Variants in DOCK5 observed in about 807,000 individuals in gnomAD.
The protein encoded by DOCK5 is dedicator of cytokinesis 5.
A neutral mutation model predicts 251.8 loss-of-function variants in DOCK5; 142 were observed. That is an observed-to-expected ratio of 0.56 (90% CI 0.49 to 0.65). The LOEUF (loss-of-function observed/expected upper bound fraction) is 0.65, where lower values mean the gene tolerates loss of function less well. DOCK5 is among the 30% of genes least tolerant of loss of function. The probability of loss-of-function intolerance (pLI) is 0.00; values close to 1 mark genes in which losing one functional copy is unlikely to be tolerated. For missense variants in DOCK5, 2,111 were observed against 2,312.3 expected (o/e 0.91, Z 1.79); for synonymous variants, 842 against 835.5 (o/e 1.01, Z -0.13).
chr8:25,391,795 A>G, intron 42 of DOCK5, 101 bp from the exon 43 acceptor site: 1 of 999,568 alleles, frequency 1.0e-6, no homozygotes. Context: ...TTAGTGGGTA[A>G]AACTCAGACC....
chr8:25,356,924 TA>T (rs1800585484), intron 27 of DOCK5, among the ~76,000 whole-genome samples: 1 of 68,414 alleles, frequency 1.5e-5, no homozygotes, highest in African/African-American at 4.8e-5. Context: ...TATATATATA[TA>T]TATATATATA....
At chr8:25,410,035 A>G (rs1404758710) in intron 50 of DOCK5, 64 bp from the exon 51 acceptor site, 2 of 1,398,166 alleles carry the variant, frequency 1.4e-6, no homozygotes, top group Non-Finnish European at 2.0e-6. Flanking sequence ...AGTGCCAGCA[A>G]CATTTCCATG....
chr8:25,351,137 A>G (rs1225203754), intron 26 of DOCK5, among the ~76,000 whole-genome samples: 2 of 151,926 alleles, frequency 1.3e-5, no homozygotes, highest in Non-Finnish European at 2.9e-5. Context: ...AGCTCACTGC[A>G]AGCTCCACCT....
At chr8:25,235,231 T>TTTTG (rs962733201) in intron 1 of DOCK5, among the ~76,000 whole-genome samples, 1 of 152,086 alleles carries the variant, frequency 6.6e-6, no homozygotes, top group African/African-American at 2.4e-5. Flanking sequence ...GTAATTTTGT[T>TTTTG]TTTGTTTGTT....
chr8:25,389,054 C>G (rs1273422966), intron 40 of DOCK5, 37 bp from the exon 41 acceptor site: 1 of 1,605,708 alleles, frequency 6.2e-7, no homozygotes, highest in Non-Finnish European at 8.5e-7. Flanking sequence ...TCCACTCTTC[C>G]TATGTAATGA....
intron 26 of DOCK5, 197 bp from the exon 27 acceptor site, chr8:25,351,534 T>C: frequency 1.8e-6 from 1 of 553,426 alleles, no homozygotes; most frequent in South Asian, 2.2e-5. Flanking sequence ...TTAAGTGTTA[T>C]GACTGATCAT....
rs147059122 is a variant in DOCK5 at position 25,200,860 on chromosome 8, G to A, written c.43+15909G>A. Reference sequence around the variant, plus strand: ...CTTGTATAATTACATCTTATTAATTGTAGTGTTAATTTGTTGGTTGTTTAA... The same window carrying A: ...CTTGTATAATTACATCTTATTAATTATAGTGTTAATTTGTTGGTTGTTTAA... On this transcript the variant is annotated intron_variant, in intron 1 of 51. Coordinates refer to ENST00000276440, the MANE Select transcript of DOCK5 (RefSeq NM_024940.8). Among the ~76,000 whole-genome samples the A allele has an allele frequency of 2.8e-3, 432 of 152,108 alleles. 1 individual carries two copies. The highest frequency in any genetic ancestry group is 9.8e-3 in the African/African-American group (405 of 41,480).
Position 25,411,325 on chromosome 8 carries a change from G to T in DOCK5, c.*27G>T, listed in dbSNP as rs1409709571. ...GATCTTGCCCTCCCTGCAACACCGA[G>T]TGCCTTAGACAGCTGCTGCCTGAGA... On this transcript the variant is annotated 3_prime_UTR_variant, in exon 52 of 52. Transcript: ENST00000276440. 6.9e-7 allele frequency: 1 copy of T among 1,443,414 alleles called. No individual in the cohort carries two copies. Among genetic ancestry groups the T allele is most frequent in the Non-Finnish European group, 9.1e-7 (1 of 1,098,780 alleles). 89.4% of individuals were successfully genotyped at this position (1,443,414 alleles called of 1,614,324 possible).
rs894445987 is a variant in DOCK5, at chr8:25,408,973, A to T, written c.5404+33A>T. On this transcript the variant is annotated intron_variant, in intron 50 of 51. Coordinates refer to ENST00000276440, the MANE Select transcript of DOCK5 (RefSeq NM_024940.8). ...TTCCTGTATTCCTTATAGTCTTTTT[A>T]CTAGGGAATGGAGTATGTTTATGCA... 2.5e-6 allele frequency: 4 copies of T among 1,613,652 alleles called. No individual in the cohort carries two copies. The Admixed American group carries it at 5.0e-5, about 20-fold the overall frequency.
At chr8:25,203,885 A>G (rs1801938044) in intron 1 of DOCK5, among the ~76,000 whole-genome samples, 1 of 152,236 alleles carries the variant, frequency 6.6e-6, no homozygotes, top group Non-Finnish European at 1.5e-5. Context: ...AAACCTTAGG[A>G]AAAGTACAGC....
rs1390116810 is a variant in DOCK5, at chr8:25,351,693, G to A, written c.2755-38G>A. 3 of 1,542,374 alleles carry A rather than the reference G, an allele frequency of 1.9e-6. No homozygotes were observed. In the Admixed American group the frequency reaches 5.3e-5, roughly 27 times the overall value. ...GGTTCCTTAAAGAAAGTGAAACTGA[G>A]TCAGAAGGAATGGAGTCAAATCCTG... is the stretch of plus-strand genomic sequence containing the variant. On this transcript the variant is annotated intron_variant, in intron 26 of 51. Coordinates refer to ENST00000276440, the MANE Select transcript of DOCK5 (RefSeq NM_024940.8).
chr8:25,391,301 A>T (rs556127078), intron 42 of DOCK5, among the ~76,000 whole-genome samples: 65 of 150,268 alleles, frequency 4.3e-4, no homozygotes, highest in Non-Finnish European at 8.3e-4. Flanking sequence ...AGTTCAAGCG[A>T]TCCTCCCACC....
chr8:25,199,574 G>C (rs534556575), intron 1 of DOCK5, among the ~76,000 whole-genome samples: 2 of 152,168 alleles, frequency 1.3e-5, no homozygotes, highest in Admixed American at 1.3e-4. Flanking sequence ...GTAGAGACGG[G>C]GTTTCACCAT....
At chr8:25,278,530 C>T in intron 4 of DOCK5, 39 bp from the exon 5 acceptor site, 4 of 1,594,602 alleles carry the variant, frequency 2.5e-6, no homozygotes, top group South Asian at 1.1e-5. Context: ...CAGTGCTGAT[C>T]AGCCTAGAAG....
intron 1 of DOCK5, among the ~76,000 whole-genome samples, chr8:25,191,330 A>G (rs1801577626): frequency 6.6e-6 from 1 of 152,240 alleles, no homozygotes; most frequent in African/African-American, 2.4e-5. Context: ...CCAGCTGCCT[A>G]TAGTGAAGTC....
intron 38 of DOCK5, among the ~76,000 whole-genome samples, chr8:25,378,118 C>G (rs1800996684): frequency 6.6e-6 from 1 of 152,096 alleles, no homozygotes; most frequent in Non-Finnish European, 1.5e-5. Context: ...TTCCTTTTGT[C>G]CCTGAAGATT....
rs150217439 is a variant in DOCK5 at position 25,235,990 on chromosome 8, G to A, written c.44-7684G>A. ...TTTTTATATTTTTAGTAGAGACTGGGTTTTACCATGTTGGCCAGGCTGATC... is the reference window on the plus strand; with the variant it reads ...TTTTTATATTTTTAGTAGAGACTGGATTTTACCATGTTGGCCAGGCTGATC... On this transcript the variant is annotated intron_variant, in intron 1 of 51. Transcript: ENST00000276440. Among the ~76,000 whole-genome samples the A allele has an allele frequency of 7.3e-3, 1,116 of 151,950 alleles. 16 individuals carry two copies. The highest frequency in any genetic ancestry group is 0.026 in the African/African-American group (1,077 of 41,452).
intron 34 of DOCK5, among the ~76,000 whole-genome samples, chr8:25,369,938 T>C (rs1351623110): frequency 6.6e-6 from 1 of 152,200 alleles, no homozygotes; most frequent in African/African-American, 2.4e-5. Context: ...TTTTTGAACT[T>C]CAACAAAAGT....
chr8:25,266,325 C>T (rs2117593985), intron 2 of DOCK5, among the ~76,000 whole-genome samples: 1 of 151,762 alleles, frequency 6.6e-6, no homozygotes, highest in Admixed American at 6.6e-5. Flanking sequence ...ACCCCATTCT[C>T]CTGCCTCAGC....
Sources: allele counts gnomAD v4.1 joint callset (sites outside exome capture counted in the v4.1 genomes callset), GRCh38; gene constraint gnomAD v4.1.1; transcripts MANE v1.5; gene names NCBI Gene and HGNC (gene_info 2026-07-23, HGNC 2026-07-21).